Variants in DMD observed in about 807,000 individuals in gnomAD.
DMD encodes the protein dystrophin.
In DMD, 63 loss-of-function variants were observed where a neutral mutation model predicts 330.1. The ratio of observed to expected loss-of-function variants is 0.19; its 90% confidence interval spans 0.16 to 0.24. DMD has a LOEUF of 0.24. Ranked by LOEUF, DMD falls within the 10% of genes least tolerant of loss-of-function variation. The pLI is 1.00. For synonymous variants in DMD, 1,223 were observed against 959.8 expected (o/e 1.27, Z -5.07); for missense variants, 3,344 against 2,684.1 (o/e 1.25, Z -5.43).
At chrX:32,716,838 A>G (rs2065785894) in intron 7 of DMD, among the ~76,000 whole-genome samples, 2 of 111,554 alleles carry the variant, frequency 1.8e-5, no homozygotes, top group African/African-American at 6.5e-5. Context: ...ACAAAAAGAG[A>G]TTGGCAGCAT....
intron 9 of DMD, among the ~76,000 whole-genome samples, chrX:32,654,236 A>T (rs2060390524): frequency 9.0e-6 from 1 of 111,619 alleles, no homozygotes; most frequent in Admixed American, 9.5e-5. Context: ...GCCAGTTTTC[A>T]AAGGGAATGC....
At chrX:31,690,789 T>C (rs1477352906) in intron 52 of DMD, among the ~76,000 whole-genome samples, 1 of 111,555 alleles carries the variant, frequency 9.0e-6, no homozygotes, top group African/African-American at 3.3e-5. Flanking sequence ...TATGCAACCA[T>C]AAAAAAGGAT....
intron 3 of DMD, among the ~76,000 whole-genome samples, chrX:32,846,207 T>C (rs1271466975): frequency 8.9e-6 from 1 of 111,841 alleles, no homozygotes; most frequent in Admixed American, 9.5e-5. Context: ...TTCATCCCTA[T>C]TGTACAGAAG....
chrX:33,313,673 A>T (rs1350784920), intron 1 of DMD, among the ~76,000 whole-genome samples: 2 of 97,339 alleles, frequency 2.1e-5, no homozygotes, highest in African/African-American at 7.6e-5. Flanking sequence ...AGCGAAGTGG[A>T]TGTAAAAAAA....
intron 60 of DMD, among the ~76,000 whole-genome samples, chrX:31,399,431 C>G (rs1418121154): frequency 1.7e-5 from 1 of 60,392 alleles, no homozygotes; most frequent in African/African-American, 7.2e-5. Context: ...TTTATAGGCA[C>G]AGGTTGGGGG....
intron 7 of DMD, among the ~76,000 whole-genome samples, chrX:32,760,595 ATGCT>A (rs1401781718): frequency 8.9e-6 from 1 of 111,970 alleles, no homozygotes; most frequent in Non-Finnish European, 1.9e-5. Flanking sequence ...TGTTCAATAA[ATGCT>A]TGGTGAATGA....
At chrX:32,926,618 G>A (rs767701032) in intron 2 of DMD, among the ~76,000 whole-genome samples, 34 of 109,314 alleles carry the variant, frequency 3.1e-4, no homozygotes, top group African/African-American at 8.3e-4. Context: ...AGGATGTGGC[G>A]GCGTGAGGCT....
intron 16 of DMD, among the ~76,000 whole-genome samples, chrX:32,556,524 A>C (rs1278354098): frequency 8.9e-6 from 1 of 111,767 alleles, no homozygotes; most frequent in South Asian, 3.8e-4. Context: ...TCATTGCAAC[A>C]CTATACACAA....
intron 43 of DMD, among the ~76,000 whole-genome samples, chrX:32,280,174 TATATATATATATAC>T (rs1569555748): frequency 0.35 from 21,001 of 60,204 alleles, 2,428 homozygotes; most frequent in Non-Finnish European, 0.49. Context: ...AGTATATATA[TATATATATATATAC>T]ACACTATGTA....
intron 9 of DMD, among the ~76,000 whole-genome samples, chrX:32,677,364 G>T (rs979270770): frequency 9.0e-6 from 1 of 111,209 alleles, no homozygotes; most frequent in East Asian, 2.8e-4. Flanking sequence ...GAAACTAACA[G>T]TATATTCACA....
intron 52 of DMD, among the ~76,000 whole-genome samples, chrX:31,709,615 T>TGG (rs763187318): frequency 9.6e-6 from 1 of 103,813 alleles, no homozygotes. Flanking sequence ...TGTGTGTGTG[T>TGG]GGTGTGTCAG....
chrX:32,135,246 A>C (rs1034370039), intron 44 of DMD, among the ~76,000 whole-genome samples: 2 of 112,634 alleles, frequency 1.8e-5, no homozygotes, highest in African/African-American at 6.4e-5. Context: ...AGTAATAAAA[A>C]AACTTTTATG....
At chrX:32,377,218 A>T (rs2097906727) in intron 34 of DMD, among the ~76,000 whole-genome samples, 1 of 111,807 alleles carries the variant, frequency 8.9e-6, no homozygotes, top group Non-Finnish European at 1.9e-5. Context: ...TCAGTACTTG[A>T]TACTTCATGC....
At chrX:32,918,516 A>G (rs750464390) in intron 2 of DMD, among the ~76,000 whole-genome samples, 4 of 110,711 alleles carry the variant, frequency 3.6e-5, no homozygotes, top group African/African-American at 1.3e-4. Context: ...ACACACAGCT[A>G]ATTTTTGTGG....
At chrX:31,588,314 A>G (rs1446064060) in intron 55 of DMD, among the ~76,000 whole-genome samples, 1 of 111,052 alleles carries the variant, frequency 9.0e-6, no homozygotes, top group East Asian at 2.8e-4. Context: ...TCGTTATACA[A>G]ACCAACTAAT....
At chrX:32,795,601 T>A (rs2076126643) in intron 7 of DMD, among the ~76,000 whole-genome samples, 1 of 111,647 alleles carries the variant, frequency 9.0e-6, no homozygotes, top group South Asian at 3.7e-4. Context: ...AACAAAAACA[T>A]AAATAGATAA....
At chrX:31,182,715 A>T (rs774566399) in intron 68 of DMD, 23 bp downstream of exon 68, 11 of 1,042,425 alleles carry the variant, frequency 1.1e-5, no homozygotes, top group African/African-American at 3.9e-5. Flanking sequence ...AAAAAATGAC[A>T]TTTTTTTTTT....
intron 55 of DMD, among the ~76,000 whole-genome samples, chrX:31,609,207 G>T (rs2077771964): frequency 9.0e-6 from 1 of 111,314 alleles, no homozygotes; most frequent in Non-Finnish European, 1.9e-5. Context: ...AACAGCGGAT[G>T]TGAGTATAGG....
chrX:33,139,825 T>G (rs1395005106), intron 1 of DMD, among the ~76,000 whole-genome samples: 2 of 105,333 alleles, frequency 1.9e-5, no homozygotes, highest in Non-Finnish European at 3.9e-5. Context: ...TCTTGCGTAT[T>G]TCTTTATGGC....
Sources: allele counts gnomAD v4.1 joint callset (sites outside exome capture counted in the v4.1 genomes callset), GRCh38; gene constraint gnomAD v4.1.1; transcripts MANE v1.5; gene names NCBI Gene and HGNC (gene_info 2026-07-23, HGNC 2026-07-21).